Variants in FAM184A observed in about 807,000 individuals in gnomAD.
The protein encoded by FAM184A is family with sequence similarity 184 member A.
Under a neutral mutation model 143.8 loss-of-function variants are expected in FAM184A, and 99 were observed. That is an observed-to-expected ratio of 0.69 (90% CI 0.58 to 0.81). The LOEUF is 0.81. Among genes scored for constraint, FAM184A ranks in the 40% least tolerant of loss-of-function variants. The pLI, the probability that FAM184A is intolerant of heterozygous loss-of-function variation, is 0.00. For synonymous variants in FAM184A, 427 were observed against 446.4 expected (o/e 0.96, Z 0.55); for missense variants, 1,217 against 1,310.5 (o/e 0.93, Z 1.10).
intron 1 of FAM184A, among the ~76,000 whole-genome samples, chr6:119,104,392 A>C (rs1788723288): frequency 6.6e-6 from 1 of 152,354 alleles, no homozygotes; most frequent in Admixed American, 6.5e-5. Flanking sequence ...AGAATGTGGA[A>C]TCTCTAAAAT....
At chr6:119,118,597 G>A (rs1789122430) in intron 1 of FAM184A, among the ~76,000 whole-genome samples, 1 of 152,120 alleles carries the variant, frequency 6.6e-6, no homozygotes, top group African/African-American at 2.4e-5. Context: ...TGCAATCTCT[G>A]AACATAAATT....
At chr6:118,995,346 A>G (rs1784514041) in intron 9 of FAM184A, among the ~76,000 whole-genome samples, 1 of 152,072 alleles carries the variant, frequency 6.6e-6, no homozygotes, top group African/African-American at 2.4e-5. Context: ...TTGAGCCTGA[A>G]AAGTTGAGGG....
chr6:118,976,391 G>A (rs527965074), intron 11 of FAM184A, among the ~76,000 whole-genome samples: 16 of 152,128 alleles, frequency 1.1e-4, no homozygotes, highest in African/African-American at 2.4e-4. Flanking sequence ...GGTCAAGCAC[G>A]GGGGCTCATG....
At chr6:118,970,096 C>T (rs1373799686) in intron 14 of FAM184A, among the ~76,000 whole-genome samples, 2 of 144,660 alleles carry the variant, frequency 1.4e-5, no homozygotes, top group Admixed American at 7.1e-5. Context: ...CTCCACCTCC[C>T]GGGTCCAGGC....
intron 1 of FAM184A, among the ~76,000 whole-genome samples, chr6:119,125,555 T>A (rs566325349): frequency 6.6e-6 from 1 of 152,320 alleles, no homozygotes; most frequent in South Asian, 2.1e-4. Context: ...TATTTCCTTA[T>A]TTTAAAGCTC....
At chr6:119,069,367 A>G (rs931813210) in intron 1 of FAM184A, among the ~76,000 whole-genome samples, 2 of 152,160 alleles carry the variant, frequency 1.3e-5, no homozygotes, top group African/African-American at 4.8e-5. Context: ...AAAGAATACT[A>G]TTTAGTATTT....
Position 119,023,989 on chromosome 6 carries a change from C to T in FAM184A, c.984G>A (p.Thr328=), listed in dbSNP as rs369748284. The change falls in exon 2 of 18, where the codon ACG becomes ACA. Residue 328 remains threonine, a synonymous_variant. Transcript: ENST00000338891. ...SLLDKCQKLQ[T]ALAIAENNVQ... ...CATTGTTCTCTGCTATGGCAAGTGC[C>T]GTCTGAAGCTTTTGGCATTTGTCAA... is the stretch of plus-strand genomic sequence containing the variant. 3.0e-4 allele frequency: 480 copies of T among 1,602,734 alleles called. No homozygotes were observed. The highest frequency in any genetic ancestry group is 3.6e-4 in the Non-Finnish European group (424 of 1,176,664).
intron 1 of FAM184A, among the ~76,000 whole-genome samples, chr6:119,118,283 A>G (rs913380422): frequency 1.3e-5 from 2 of 152,270 alleles, no homozygotes; most frequent in African/African-American, 2.4e-5. Flanking sequence ...AAATGTGAGC[A>G]TAAAAATCAC....
chr6:119,072,418 CTA>C (rs972594333), intron 1 of FAM184A, among the ~76,000 whole-genome samples: 5 of 152,176 alleles, frequency 3.3e-5, no homozygotes, highest in East Asian at 1.9e-4. Flanking sequence ...CAGCCAATTG[CTA>C]TGTTTTATGA....
At chr6:119,004,958 T>C (rs1458992425) in intron 7 of FAM184A, among the ~76,000 whole-genome samples, 2 of 152,192 alleles carry the variant, frequency 1.3e-5, no homozygotes, top group Non-Finnish European at 2.9e-5. Context: ...AGAACTTCCA[T>C]GATACCATAT....
chr6:119,116,021 CGAGA>C (rs140847518), intron 1 of FAM184A, among the ~76,000 whole-genome samples: 11 of 115,534 alleles, frequency 9.5e-5, no homozygotes, highest in African/African-American at 2.0e-4. Context: ...ACACACACAA[CGAGA>C]GAGAGAGAGA....
At chr6:119,124,809 A>T (rs1397724338) in intron 1 of FAM184A, among the ~76,000 whole-genome samples, 1 of 151,958 alleles carries the variant, frequency 6.6e-6, no homozygotes, top group Non-Finnish European at 1.5e-5. Flanking sequence ...TAATCTGTAT[A>T]TTCCAAGTAG....
chr6:119,109,258 C>T (rs1233394805), intron 1 of FAM184A, among the ~76,000 whole-genome samples: 5 of 152,224 alleles, frequency 3.3e-5, no homozygotes, highest in Non-Finnish European at 7.3e-5. Context: ...TTATAAGTGT[C>T]ATGAGACATT....
chr6:119,013,592 G>C (rs1294484611), intron 5 of FAM184A, among the ~76,000 whole-genome samples: 1 of 152,176 alleles, frequency 6.6e-6, no homozygotes. Flanking sequence ...TGTGCAAACT[G>C]GTTCTGGAAT....
rs372991968 is a variant in FAM184A, at chr6:118,974,590, T to G, written c.2769-16A>C. The G allele has an allele frequency of 1.3e-6, 2 of 1,577,508 alleles. No homozygotes were observed. Among genetic ancestry groups the G allele is most frequent in the African/African-American group, 2.7e-5 (2 of 73,324 alleles). On this transcript the variant is annotated splice_polypyrimidine_tract_variant and intron_variant, in intron 13 of 17. Coordinates refer to ENST00000338891, the MANE Select transcript of FAM184A (RefSeq NM_024581.6). ...TTCATGCAACCTGTTTGATTTATTT[T>G]TAGTTAAGAAAATGTTATTCTGAAG...
At chr6:119,143,323 C>T (rs1213941498) in intron 1 of FAM184A, among the ~76,000 whole-genome samples, 1 of 152,150 alleles carries the variant, frequency 6.6e-6, no homozygotes, top group African/African-American at 2.4e-5. Context: ...CTAGATCCTT[C>T]CCCCAACATG....
chr6:119,118,638 C>T (rs979299155), intron 1 of FAM184A, among the ~76,000 whole-genome samples: 4 of 152,166 alleles, frequency 2.6e-5, no homozygotes, highest in Non-Finnish European at 5.9e-5. Context: ...TATCACTTCC[C>T]CAATCAATAC....
chr6:119,014,681 G>A (rs1392546715), intron 5 of FAM184A, among the ~76,000 whole-genome samples: 1 of 152,126 alleles, frequency 6.6e-6, no homozygotes, highest in Non-Finnish European at 1.5e-5. Context: ...AATTCAATAA[G>A]CTATATCTCA....
chr6:119,000,554 G>C (rs1023818770), intron 9 of FAM184A, among the ~76,000 whole-genome samples: 1 of 152,140 alleles, frequency 6.6e-6, no homozygotes, highest in African/African-American at 2.4e-5. Flanking sequence ...CTCATTTTTA[G>C]ATAGGCAGCC....
Sources: gnomAD v4.1 joint callset for allele counts (sites outside exome capture counted in the v4.1 genomes callset) on GRCh38, gnomAD v4.1.1 for gene constraint, MANE v1.5 for transcripts, NCBI Gene and HGNC (gene_info 2026-07-23, HGNC 2026-07-21) for gene names.